Variants in HORMAD2 observed in about 807,000 individuals in gnomAD.
The protein encoded by HORMAD2 is HORMA domain containing 2.
Under a neutral mutation model 38.8 loss-of-function variants are expected in HORMAD2, and 45 were observed. The ratio of observed to expected loss-of-function variants is 1.16; its 90% confidence interval spans 0.91 to 1.49. The LOEUF (loss-of-function observed/expected upper bound fraction) is 1.49. HORMAD2 is among the 40% of genes most tolerant of loss of function. The probability of loss-of-function intolerance (pLI) is 0.00; values close to 1 mark genes in which losing one functional copy is unlikely to be tolerated. For synonymous variants in HORMAD2, 126 were observed against 122.8 expected, an observed-to-expected ratio of 1.03 and a Z score of -0.17; for missense variants, 338 against 367.0, an observed-to-expected ratio of 0.92 and a Z score of 0.65.
chr22:30,148,827 A>G (rs781578374), intron 10 of HORMAD2, among the ~76,000 whole-genome samples: 7 of 152,090 alleles, frequency 4.6e-5, no homozygotes, highest in Non-Finnish European at 1.0e-4. Flanking sequence ...ACACGGTGAA[A>G]CCCCGTCTCT....
chr22:30,164,640 C>G (rs1279326400), intron 10 of HORMAD2, among the ~76,000 whole-genome samples: 1 of 152,002 alleles, frequency 6.6e-6, no homozygotes, highest in East Asian at 1.9e-4. Flanking sequence ...ATCTTAAACT[C>G]AGGATTTTGT....
chr22:30,203,353 C>G, the HORMAD2 span, among the ~76,000 whole-genome samples: 4 of 148,678 alleles, frequency 2.7e-5, no homozygotes, highest in Non-Finnish European at 3.0e-5. Context: ...CAAGATTGTA[C>G]CATTGCACTC....
intron 1 of HORMAD2, among the ~76,000 whole-genome samples, chr22:30,087,971 C>A (rs527843599): frequency 2.2e-4 from 34 of 151,826 alleles, no homozygotes; most frequent in Admixed American, 2.6e-4. Context: ...TTCTCTCTCT[C>A]TCTCTATATA....
the HORMAD2 span, among the ~76,000 whole-genome samples, chr22:30,188,760 A>G: frequency 1.3e-5 from 2 of 152,172 alleles, no homozygotes; most frequent in Non-Finnish European, 2.9e-5. Context: ...TTCCTTTAAA[A>G]TACCTTTTTC....
At chr22:30,097,472 T>C (rs950609013) in intron 2 of HORMAD2, among the ~76,000 whole-genome samples, 11 of 152,344 alleles carry the variant, frequency 7.2e-5, no homozygotes, top group African/African-American at 1.9e-4. Context: ...ATTCCTAGTA[T>C]TGATACTTTT....
chr22:30,164,106 C>T (rs1235159242), intron 10 of HORMAD2, among the ~76,000 whole-genome samples: 1 of 152,158 alleles, frequency 6.6e-6, no homozygotes, highest in East Asian at 1.9e-4. Context: ...AAGGTTCATC[C>T]ATGTTTGAGC....
At chr22:30,145,210 T>G (rs1259108659) in intron 10 of HORMAD2, among the ~76,000 whole-genome samples, 1 of 152,208 alleles carries the variant, frequency 6.6e-6, no homozygotes, top group Non-Finnish European at 1.5e-5. Flanking sequence ...TGTGGGAAAT[T>G]GATCTCTTAC....
chr22:30,123,529 G>T (rs1033795281), intron 10 of HORMAD2, among the ~76,000 whole-genome samples: 1 of 151,684 alleles, frequency 6.6e-6, no homozygotes, highest in African/African-American at 2.4e-5. Flanking sequence ...AGAGACAAGG[G>T]TCTCACTGTT....
chr22:30,100,687 C>G (rs547874180), intron 3 of HORMAD2, among the ~76,000 whole-genome samples: 1 of 152,298 alleles, frequency 6.6e-6, no homozygotes, highest in South Asian at 2.1e-4. Context: ...ATCTATCCAT[C>G]TGACAAAGGT....
At chr22:30,088,161 A>G (rs1407290342) in intron 1 of HORMAD2, among the ~76,000 whole-genome samples, 26 of 150,168 alleles carry the variant, frequency 1.7e-4, no homozygotes, top group Non-Finnish European at 4.4e-5. Context: ...GTATACACGT[A>G]TACCTATGTA....
chr22:30,144,597 G>A (rs998358017), intron 10 of HORMAD2, among the ~76,000 whole-genome samples: 4 of 152,184 alleles, frequency 2.6e-5, no homozygotes, highest in African/African-American at 9.7e-5. Flanking sequence ...ATCTCTCAGT[G>A]ACATGCAGCT....
the HORMAD2 span, among the ~76,000 whole-genome samples, chr22:30,196,575 T>C: frequency 1.3e-5 from 2 of 152,174 alleles, no homozygotes; most frequent in African/African-American, 4.8e-5. Flanking sequence ...TGCTTTGCAA[T>C]GTGTGTGAGA....
chr22:30,183,791 G>A, the HORMAD2 span, among the ~76,000 whole-genome samples: 1 of 152,130 alleles, frequency 6.6e-6, no homozygotes, highest in Non-Finnish European at 1.5e-5. Flanking sequence ...ATCCTTAGTA[G>A]GTTGATATAG....
At chr22:30,174,302 C>T (rs1248468631) in intron 10 of HORMAD2, among the ~76,000 whole-genome samples, 3 of 152,070 alleles carry the variant, frequency 2.0e-5, no homozygotes, top group South Asian at 2.1e-4. Flanking sequence ...TTGGCTTTGG[C>T]GTCAAGTGTA....
chr22:30,101,249 A>G (rs1019071970), intron 3 of HORMAD2, among the ~76,000 whole-genome samples: 4 of 152,210 alleles, frequency 2.6e-5, no homozygotes, highest in African/African-American at 9.6e-5. Flanking sequence ...AAAACTATGT[A>G]CCCATGAAAA....
intron 8 of HORMAD2, among the ~76,000 whole-genome samples, chr22:30,119,249 G>A (rs997255563): frequency 6.6e-6 from 1 of 152,096 alleles, no homozygotes; most frequent in Non-Finnish European, 1.5e-5. Context: ...AGAGAAAATG[G>A]CATGCAGCAC....
intron 10 of HORMAD2, among the ~76,000 whole-genome samples, chr22:30,139,346 A>G (rs1291886147): frequency 1.4e-5 from 2 of 144,262 alleles, no homozygotes; most frequent in Non-Finnish European, 3.0e-5. Flanking sequence ...CTCTCTCTCT[A>G]CATATATATA....
the HORMAD2 span, among the ~76,000 whole-genome samples, chr22:30,204,129 C>T: frequency 6.6e-6 from 1 of 152,140 alleles, no homozygotes; most frequent in African/African-American, 2.4e-5. Flanking sequence ...TCCTCCATGA[C>T]AAGGAGGGGC....
At chr22:30,197,224 T>C in the HORMAD2 span, among the ~76,000 whole-genome samples, 1 of 151,932 alleles carries the variant, frequency 6.6e-6, no homozygotes, top group Admixed American at 6.5e-5. Context: ...GTTTCTTCAT[T>C]CTGAACTGGA....
Sources: gnomAD v4.1 joint callset for allele counts (sites outside exome capture counted in the v4.1 genomes callset) on GRCh38, gnomAD v4.1.1 for gene constraint, MANE v1.5 for transcripts, NCBI Gene and HGNC (gene_info 2026-07-23, HGNC 2026-07-21) for gene names.